CUX1: variants seen among roughly 807,000 people sequenced by gnomAD.
The protein encoded by CUX1 is protein CASP.
A neutral mutation model predicts 158.8 loss-of-function variants in CUX1; 31 were observed. That is an observed-to-expected ratio of 0.20 (90% CI 0.15 to 0.26). CUX1 has a LOEUF of 0.26. Ranked by LOEUF, CUX1 falls within the 10% of genes least tolerant of loss-of-function variation. The pLI is 1.00. For missense variants in CUX1, 1,589 were observed against 2,014.6 expected (o/e 0.79, Z 4.04); for synonymous variants, 879 against 862.1 (o/e 1.02, Z -0.34).
At chr7:101,883,034 T>C (rs1799877061) in intron 1 of CUX1, among the ~76,000 whole-genome samples, 1 of 152,112 alleles carries the variant, frequency 6.6e-6, no homozygotes, top group Admixed American at 6.6e-5. Flanking sequence ...CCTGAGTCAC[T>C]GGGAGCGGAT....
chr7:102,249,504 G>T lies in CUX1; in HGVS notation c.*462G>T. 1 of 985,850 alleles carries T rather than the reference G, an allele frequency of 1.0e-6. No individual in the cohort carries two copies. The highest frequency in any genetic ancestry group is 1.2e-6 in the Non-Finnish European group (1 of 829,934). 61.1% of individuals were successfully genotyped at this position (985,850 alleles called of 1,614,324 possible). A position where few individuals can be genotyped will look rare whatever the true frequency, so the allele number is the denominator to read the frequency against. Reference sequence around the variant, plus strand: ...AAGTGTTTTTTTTATTGCCCTAAGTGATTTCCACAGGTTCTGGAATAACTC... The same window carrying T: ...AAGTGTTTTTTTTATTGCCCTAAGTTATTTCCACAGGTTCTGGAATAACTC... On this transcript the variant is annotated 3_prime_UTR_variant, in exon 24 of 24. Coordinates refer to ENST00000292535, the MANE Select transcript of CUX1 (RefSeq NM_181552.4).
intron 14 of CUX1, among the ~76,000 whole-genome samples, chr7:102,270,199 C>T (rs1791113988): frequency 6.6e-6 from 1 of 152,240 alleles, no homozygotes; most frequent in Admixed American, 6.5e-5. Flanking sequence ...AGAGATGTCA[C>T]CCCAGCTTCC....
Position 101,817,703 on chromosome 7 carries a change from G to C in CUX1, c.30+34G>C. 1.3e-6 allele frequency: 2 copies of C among 1,548,708 alleles called. No homozygotes were observed. Among genetic ancestry groups the C allele is most frequent in the Non-Finnish European group, 1.7e-6 (2 of 1,146,328 alleles). On this transcript the variant is annotated intron_variant, in intron 1 of 23. Coordinates refer to ENST00000292535, the MANE Select transcript of CUX1 (RefSeq NM_181552.4). This position sits in a 1 kb window ranked among gnomAD's most constrained non-coding sequence, Gnocchi z 4.1. ...CGTGTGGGCCAGAAGTCCCGAGGTT[G>C]CAGGCGCGGAGGGAACCGGGGATGT...
At chr7:102,276,248 C>T (rs1211432869) in intron 17 of CUX1, among the ~76,000 whole-genome samples, 18 of 152,060 alleles carry the variant, frequency 1.2e-4, no homozygotes, top group Admixed American at 9.8e-4. Context: ...CTATGTTTAA[C>T]GTTTTTAGAG....
intron 4 of CUX1, among the ~76,000 whole-genome samples, chr7:102,096,014 G>A (rs1829140344): frequency 6.6e-6 from 1 of 152,274 alleles, no homozygotes; most frequent in African/African-American, 2.4e-5. Flanking sequence ...CCGTGAGTTT[G>A]TACTGTAAAT....
At chr7:102,176,435 C>G (rs1792343593) in intron 10 of CUX1, among the ~76,000 whole-genome samples, 1 of 152,146 alleles carries the variant, frequency 6.6e-6, no homozygotes, top group Non-Finnish European at 1.5e-5. Context: ...GAGCTGCCCC[C>G]AGGATTCGGC....
chr7:101,872,014 TC>T lies in CUX1; in HGVS notation c.31-44095del, dbSNP rs370548688. ...GCCTTGGCGACAGAGCGAGACTCCA[TC>T]CCCCCAAAAAAAAAAAAAGAAAAGA... On this transcript the variant is annotated intron_variant, in intron 1 of 23. Transcript: ENST00000292535. 8.7e-4 allele frequency among the ~76,000 whole-genome samples: 95 copies of T among 109,614 alleles called. 3 individuals carry two copies. The highest frequency in any genetic ancestry group is 4.6e-3 in the Middle Eastern group (1 of 216). The allele number at this position is 109,614 out of a possible 152,430, so 71.9% of individuals were successfully genotyped here.
Position 102,170,483 on chromosome 7 carries a change from G to T in CUX1, c.761G>T (p.Arg254Met). 1 of 1,593,464 alleles carries T rather than the reference G, an allele frequency of 6.3e-7. No individual in the cohort carries two copies. Residue 254 changes from arginine (R) to methionine (M), a missense_variant, in exon 10 of 24, where the codon AGG becomes ATG. Physicochemically the swap from Arg to Met is moderately conservative, Grantham distance 91 (BLOSUM62 -1). Coordinates refer to ENST00000292535, the MANE Select transcript of CUX1 (RefSeq NM_181552.4). ...EVAQREAETLREQLSSANHSL... is the reference protein window; with the variant it reads ...EVAQREAETLMEQLSSANHSL... ...GCTCAGAGAGAGGCGGAGACCTTAA[G>T]GGAACAGCTCTCATCGGCCAATCAC...
At chr7:102,231,086 G>A (rs1462935985) in intron 21 of CUX1, among the ~76,000 whole-genome samples, 2 of 148,322 alleles carry the variant, frequency 1.3e-5, no homozygotes, top group Non-Finnish European at 3.0e-5. Flanking sequence ...GTGGAGTGCA[G>A]TGGCGCGATC....
At chr7:102,019,842 A>G (rs1339952789) in intron 2 of CUX1, among the ~76,000 whole-genome samples, 1 of 152,242 alleles carries the variant, frequency 6.6e-6, no homozygotes, top group Non-Finnish European at 1.5e-5. Flanking sequence ...AGATAATCTT[A>G]TTTAATAACC....
intron 2 of CUX1, among the ~76,000 whole-genome samples, chr7:102,004,405 G>A (rs1325761606): frequency 1.3e-5 from 2 of 152,162 alleles, no homozygotes; most frequent in East Asian, 3.9e-4. Flanking sequence ...TCATCTGTTT[G>A]GCAGTGGATC....
chr7:101,906,929 C>T (rs892106051), intron 1 of CUX1, among the ~76,000 whole-genome samples: 2 of 152,104 alleles, frequency 1.3e-5, no homozygotes, highest in Non-Finnish European at 2.9e-5. Flanking sequence ...TTTTGGAGGT[C>T]AGTCTCACTC....
At chr7:102,067,301 C>G (rs1228180516) in intron 3 of CUX1, among the ~76,000 whole-genome samples, 1 of 132,732 alleles carries the variant, frequency 7.5e-6, no homozygotes, top group Admixed American at 9.0e-5. Flanking sequence ...GGTGTGATCT[C>G]AGCTCACTGC....
At chr7:101,897,771 A>AT (rs982783111) in intron 1 of CUX1, among the ~76,000 whole-genome samples, 124 of 151,742 alleles carry the variant, frequency 8.2e-4, no homozygotes, top group African/African-American at 2.7e-3. Flanking sequence ...CTGAATAACC[A>AT]TTTTTTTTCC....
At chr7:101,987,993 C>G (rs1280563647) in intron 2 of CUX1, among the ~76,000 whole-genome samples, 3 of 152,138 alleles carry the variant, frequency 2.0e-5, no homozygotes, top group Non-Finnish European at 2.9e-5. Context: ...AGGTGGATCA[C>G]TTGAGGTCAG....
At chr7:101,950,703 T>C (rs1224485096) in intron 2 of CUX1, among the ~76,000 whole-genome samples, 4 of 152,190 alleles carry the variant, frequency 2.6e-5, no homozygotes, top group Non-Finnish European at 4.4e-5. Context: ...ACTTAAAATA[T>C]ATTTTTTTCT....
intron 4 of CUX1, among the ~76,000 whole-genome samples, chr7:102,071,178 C>T (rs1018570130): frequency 3.3e-5 from 5 of 151,972 alleles, no homozygotes; most frequent in African/African-American, 4.8e-5. Context: ...AGGCTGGTCT[C>T]GAACTCCTGG....
intron 19 of CUX1, chr7:102,280,246 T>C (rs2906710): frequency 1 from 638,440 of 638,462 alleles, 319,209 homozygotes; most frequent in Middle Eastern, 1. Flanking sequence ...CACCTGCCCT[T>C]GTCTGGGTGC....
chr7:101,843,156 G>A (rs933771139), intron 1 of CUX1, among the ~76,000 whole-genome samples: 22 of 152,028 alleles, frequency 1.4e-4, no homozygotes, highest in Admixed American at 7.2e-4. Context: ...GTGAGCCACC[G>A]TGCCTGGCCT....
Sources: allele counts gnomAD v4.1 joint callset (sites outside exome capture counted in the v4.1 genomes callset), GRCh38; gene constraint gnomAD v4.1.1; non-coding constraint Gnocchi (gnomAD v3.1); transcripts MANE v1.5; gene names NCBI Gene and HGNC (gene_info 2026-07-23, HGNC 2026-07-21).